Variants in MAGI3 observed in about 807,000 individuals in gnomAD.
MAGI3 encodes membrane-associated guanylate kinase, WW and PDZ domain-containing protein 3.
MAGI3 carries 43 observed loss-of-function variants against 121.8 expected under a neutral mutation model. That is an observed-to-expected ratio of 0.35 (90% CI 0.28 to 0.46). The LOEUF is 0.46. Ranked by LOEUF, MAGI3 falls within the 20% of genes least tolerant of loss-of-function variation. MAGI3 has a pLI of 1.00. For synonymous variants in MAGI3, 553 were observed against 639.3 expected, an observed-to-expected ratio of 0.86 and a Z score of 2.04; for missense variants, 1,547 against 1,797.3, an observed-to-expected ratio of 0.86 and a Z score of 2.52.
chr1:113,576,311 C>T (rs1266215996), intron 2 of MAGI3, among the ~76,000 whole-genome samples: 4 of 152,140 alleles, frequency 2.6e-5, no homozygotes, highest in African/African-American at 7.2e-5. Flanking sequence ...TGTAGGCACA[C>T]GAGGGAATTT....
chr1:113,579,198 G>A (rs1050675236), intron 2 of MAGI3, among the ~76,000 whole-genome samples: 1 of 152,078 alleles, frequency 6.6e-6, no homozygotes, highest in African/African-American at 2.4e-5. Context: ...GAATCAAATC[G>A]ACATGGTTTC....
chr1:113,493,795 GTGCAAAT>G (rs1032653747), intron 1 of MAGI3, among the ~76,000 whole-genome samples: 3 of 152,132 alleles, frequency 2.0e-5, no homozygotes, highest in African/African-American at 7.2e-5. Context: ...TACTAGAGAA[GTGCAAAT>G]CAAAACCACA....
intron 1 of MAGI3, chr1:113,403,887 G>A (rs375853445): frequency 1.3e-5 from 2 of 152,040 alleles, no homozygotes; most frequent in African/African-American, 4.8e-5. Flanking sequence ...CTACAAGGAG[G>A]AAGTCGCTGA....
chr1:113,576,199 C>G (rs1306375631), intron 2 of MAGI3, among the ~76,000 whole-genome samples: 1 of 152,156 alleles, frequency 6.6e-6, no homozygotes, highest in Non-Finnish European at 1.5e-5. Flanking sequence ...GGGAAGTGAA[C>G]AGTTCTGTCT....
intron 1 of MAGI3, among the ~76,000 whole-genome samples, chr1:113,522,335 C>T (rs942176528): frequency 6.6e-6 from 1 of 152,190 alleles, no homozygotes; most frequent in Non-Finnish European, 1.5e-5. Flanking sequence ...GAACTCCTGG[C>T]CTCAAGTGAC....
chr1:113,540,693 T>G (rs1206229695), intron 1 of MAGI3, among the ~76,000 whole-genome samples: 1 of 152,218 alleles, frequency 6.6e-6, no homozygotes, highest in Non-Finnish European at 1.5e-5. Flanking sequence ...AGCATTTTCC[T>G]CTGGGGCACC....
intron 3 of MAGI3, among the ~76,000 whole-genome samples, chr1:113,582,121 A>T (rs899534877): frequency 6.6e-6 from 1 of 152,106 alleles, no homozygotes; most frequent in Non-Finnish European, 1.5e-5. Context: ...TCACATCCAT[A>T]GATTGGCAAC....
chr1:113,593,092 T>C (rs1648789484), intron 5 of MAGI3, among the ~76,000 whole-genome samples: 1 of 152,224 alleles, frequency 6.6e-6, no homozygotes, highest in African/African-American at 2.4e-5. Context: ...TGCAGAGCTC[T>C]GCAAGTAGCT....
intron 9 of MAGI3, among the ~76,000 whole-genome samples, chr1:113,633,176 ATT>A (rs1651753926): frequency 8.3e-6 from 1 of 120,974 alleles, no homozygotes; most frequent in South Asian, 2.6e-4. Context: ...TTCTTGTGAT[ATT>A]TTACTGAGCA....
chr1:113,538,265 C>G (rs1265849178), intron 1 of MAGI3, among the ~76,000 whole-genome samples: 1 of 152,180 alleles, frequency 6.6e-6, no homozygotes, highest in Non-Finnish European at 1.5e-5. Context: ...AACAGATCTT[C>G]CACCTCAAGT....
intron 1 of MAGI3, among the ~76,000 whole-genome samples, chr1:113,426,279 T>C (rs2101402604): frequency 6.6e-6 from 1 of 152,338 alleles, no homozygotes; most frequent in Admixed American, 6.5e-5. Flanking sequence ...ATGATTTCAA[T>C]TTTAAAACAT....
At position 113,659,237 on chromosome 1, in the gene MAGI3, C is replaced by T. The variant is rs768051022; in HGVS notation, c.2787C>T (p.Thr929=). The T allele has an allele frequency of 5.6e-6, 9 of 1,613,714 alleles. No individual in the cohort carries two copies. Among genetic ancestry groups the T allele is most frequent in the East Asian group, 4.5e-5 (2 of 44,894 alleles). Residue 929 remains threonine (T), a synonymous_variant, in exon 16 of 21, where the codon ACC becomes ACT. Coordinates refer to ENST00000307546, the MANE Select transcript of MAGI3 (RefSeq NM_001142782.2). ...IVQLIKDAGV[T]VTLTVIAEEE... ...AGCTGATCAAAGATGCTGGTGTCAC[C>T]GTCACACTAACGGTCATTGCTGAAG...
intron 1 of MAGI3, among the ~76,000 whole-genome samples, chr1:113,394,216 G>T (rs1305649176): frequency 6.6e-6 from 1 of 151,688 alleles, no homozygotes; most frequent in African/African-American, 2.4e-5. Flanking sequence ...CTTTAATAGA[G>T]AATTGAAAGT....
rs181087987 is a variant in MAGI3 at position 113,478,668 on chromosome 1, C to T, written c.317-70847C>T. On this transcript the variant is annotated intron_variant, in intron 1 of 20. Transcript: ENST00000307546. The stretch of plus-strand genomic sequence containing the variant: ...TATATGAGGTGGCTGTCGGCCCCTA[C>T]TGGGAGGTGTCTCCCAGTTAGGCTA... Among the ~76,000 whole-genome samples the T allele has an allele frequency of 2.3e-3, 346 of 152,350 alleles. 2 individuals carry two copies. The highest frequency in any genetic ancestry group is 8.0e-3 in the African/African-American group (332 of 41,594).
chr1:113,416,242 A>ATG lies in MAGI3; in HGVS notation c.316+24895_316+24896dup, dbSNP rs1557744278. 5.8e-4 allele frequency among the ~76,000 whole-genome samples: 70 copies of ATG among 121,550 alleles called. 11 individuals are homozygous for ATG. The highest frequency in any genetic ancestry group is 7.3e-4 in the African/African-American group (26 of 35,830). 79.7% of individuals were successfully genotyped at this position (121,550 alleles called of 152,430 possible). ...GTGTAATTAATGACACATATTAATT[A>ATG]TGTAATTAATTACACATATTAATTA... On this transcript the variant is annotated intron_variant, in intron 1 of 20. Coordinates refer to ENST00000307546, the MANE Select transcript of MAGI3 (RefSeq NM_001142782.2).
chr1:113,640,444 A>G (rs879195666), intron 9 of MAGI3, among the ~76,000 whole-genome samples: 1 of 152,220 alleles, frequency 6.6e-6, no homozygotes, highest in Non-Finnish European at 1.5e-5. Flanking sequence ...TGTTTATTGC[A>G]GCACTATTTA....
chr1:113,449,916 G>T, intron 1 of MAGI3: 1 of 1,518,172 alleles, frequency 6.6e-7, no homozygotes, highest in Non-Finnish European at 9.0e-7. Context: ...AGCAATGTGT[G>T]CTTGACCACA....
intron 13 of MAGI3, 143 bp downstream of exon 13, chr1:113,649,471 T>TAGTCCC (rs554244360): frequency 2.4e-4 from 139 of 572,122 alleles, no homozygotes; most frequent in African/African-American, 2.3e-3. Flanking sequence ...ATTATTATCA[T>TAGTCCC]AGTCCCTCAG....
At chr1:113,403,659 A>G (rs1651525122) in intron 1 of MAGI3, 1 of 152,088 alleles carries the variant, frequency 6.6e-6, no homozygotes, top group African/African-American at 2.4e-5. Flanking sequence ...TTTTAGTTCA[A>G]AGCTGGAGAC....
Sources: gnomAD v4.1 joint callset for allele counts (sites outside exome capture counted in the v4.1 genomes callset) on GRCh38, gnomAD v4.1.1 for gene constraint, MANE v1.5 for transcripts, NCBI Gene and HGNC (gene_info 2026-07-23, HGNC 2026-07-21) for gene names.